DOCK3: variants seen among roughly 807,000 people sequenced by gnomAD.
DOCK3 encodes the protein dedicator of cytokinesis protein 3.
Under a neutral mutation model 265.6 loss-of-function variants are expected in DOCK3, and 60 were observed. The observed-to-expected ratio is 0.23, with a 90% confidence interval of 0.18 to 0.28. The LOEUF is 0.28. Ranked by LOEUF, DOCK3 falls within the 10% of genes least tolerant of loss-of-function variation. DOCK3 has a pLI of 1.00. For missense variants in DOCK3, 1,981 were observed against 2,594.3 expected, an observed-to-expected ratio of 0.76 and a Z score of 5.14; for synonymous variants, 881 against 938.0, an observed-to-expected ratio of 0.94 and a Z score of 1.11.
At chr3:51,016,791 T>C (rs1428705818) in intron 5 of DOCK3, among the ~76,000 whole-genome samples, 1 of 2,654 alleles carries the variant, frequency 3.8e-4, no homozygotes, top group African/African-American at 9.0e-4. Flanking sequence ...CATATATAAA[T>C]ATATATGATA....
chr3:50,951,715 G>GTTTTAT (rs759901721), intron 5 of DOCK3, among the ~76,000 whole-genome samples: 3 of 151,984 alleles, frequency 2.0e-5, no homozygotes, highest in Non-Finnish European at 4.4e-5. Context: ...TAGCAATGGT[G>GTTTTAT]TTTTAGACTG....
At chr3:51,096,813 G>A (rs1160914043) in intron 9 of DOCK3, among the ~76,000 whole-genome samples, 5 of 152,256 alleles carry the variant, frequency 3.3e-5, no homozygotes, top group Middle Eastern at 3.4e-3. Context: ...GGTGACCTCC[G>A]GATAGGGTTT....
At chr3:51,170,110 G>C (rs562787727) in intron 12 of DOCK3, among the ~76,000 whole-genome samples, 1 of 152,248 alleles carries the variant, frequency 6.6e-6, no homozygotes, top group South Asian at 2.1e-4. Flanking sequence ...TTCAGATTAG[G>C]AATGTTCAAC....
At chr3:50,962,089 T>C (rs2076904639) in intron 5 of DOCK3, among the ~76,000 whole-genome samples, 2 of 151,992 alleles carry the variant, frequency 1.3e-5, no homozygotes. Flanking sequence ...GCCATGGTGG[T>C]TTGCTGCACC....
At chr3:51,378,043 G>C (rs1180011408) in intron 51 of DOCK3, among the ~76,000 whole-genome samples, 8 of 152,196 alleles carry the variant, frequency 5.3e-5, no homozygotes, top group Admixed American at 4.6e-4. Flanking sequence ...TAGGGAGCAT[G>C]GGTGAGTGGG....
In DOCK3 at chr3:51,314,995, A is replaced by G; in HGVS notation, c.3269A>G (p.His1090Arg). Reference protein sequence around the residue: ...MWQNLGEHKIHFIPGMIGPFL... With the variant: ...MWQNLGEHKIRFIPGMIGPFL... ...TGTTTTTCAGGTGAACATAAGATCC[A>G]CTTTATTCCGGGAATGATTGGTCCT... The change falls in exon 32 of 53, where the codon CAC becomes CGC. Residue 1090 changes from histidine (H) to arginine (R), a missense_variant. His to Arg is a conservative substitution (Grantham distance 29, BLOSUM62 0). Coordinates refer to ENST00000266037, the MANE Select transcript of DOCK3 (RefSeq NM_004947.5). 1 of 1,608,514 alleles carries G rather than the reference A, an allele frequency of 6.2e-7. No homozygotes were observed. Among genetic ancestry groups the G allele is most frequent in the East Asian group, 2.2e-5 (1 of 44,612 alleles).
intron 9 of DOCK3, among the ~76,000 whole-genome samples, chr3:51,118,374 C>T (rs2083846442): frequency 6.6e-6 from 1 of 152,118 alleles, no homozygotes; most frequent in Non-Finnish European, 1.5e-5. Flanking sequence ...TGCTTTACTT[C>T]CAGTTATGTG....
At chr3:51,365,582 C>G (rs1217777752) in intron 49 of DOCK3, among the ~76,000 whole-genome samples, 4 of 152,168 alleles carry the variant, frequency 2.6e-5, no homozygotes, top group Admixed American at 1.3e-4. Flanking sequence ...AAAGGGAATG[C>G]TTCCAGTTTT....
intron 5 of DOCK3, among the ~76,000 whole-genome samples, chr3:50,975,374 C>A (rs2077406983): frequency 6.6e-6 from 1 of 150,504 alleles, no homozygotes; most frequent in African/African-American, 2.4e-5. Flanking sequence ...TTGTCAAAGG[C>A]CTTTTCCGCA....
intron 26 of DOCK3, 112 bp downstream of exon 26, chr3:51,277,866 GC>G: frequency 6.5e-7 from 1 of 1,530,646 alleles, no homozygotes; most frequent in Non-Finnish European, 8.8e-7. Flanking sequence ...CTTCCCTCCT[GC>G]ATGGTTGTCA....
At chr3:51,211,977 G>A (rs1166852565) in intron 13 of DOCK3, among the ~76,000 whole-genome samples, 3 of 152,168 alleles carry the variant, frequency 2.0e-5, no homozygotes, top group African/African-American at 2.4e-5. Context: ...CTGGGTGAGC[G>A]AGTGGGTCAC....
intron 3 of DOCK3, among the ~76,000 whole-genome samples, chr3:50,874,066 G>GTTTTTTTTTTTTTT (rs3043436): frequency 9.4e-6 from 1 of 106,230 alleles, no homozygotes; most frequent in Admixed American, 1.2e-4. Context: ...CTTTTCTTTT[G>GTTTTTTTTTTTTTT]TTTTTTTTTT....
intron 6 of DOCK3, among the ~76,000 whole-genome samples, chr3:51,075,094 C>T (rs1242079147): frequency 6.6e-6 from 1 of 152,056 alleles, no homozygotes; most frequent in East Asian, 1.9e-4. Context: ...CTCAAGCATG[C>T]TGATATAATG....
chr3:51,036,762 A>T (rs2080287090), intron 5 of DOCK3, among the ~76,000 whole-genome samples: 1 of 152,034 alleles, frequency 6.6e-6, no homozygotes, highest in Non-Finnish European at 1.5e-5. Context: ...TAACTCCAAC[A>T]GTTGCCATGT....
chr3:51,200,164 A>G (rs1208713519), intron 12 of DOCK3, among the ~76,000 whole-genome samples: 3 of 152,102 alleles, frequency 2.0e-5, no homozygotes, highest in Admixed American at 6.6e-5. Flanking sequence ...CCTCACCAAC[A>G]ATGGAACAAA....
chr3:50,851,535 G>A (rs1331431329), intron 3 of DOCK3, among the ~76,000 whole-genome samples: 5 of 152,148 alleles, frequency 3.3e-5, no homozygotes, highest in Non-Finnish European at 7.4e-5. Context: ...TAGGCAAGCG[G>A]ATGCCCCATA....
intron 10 of DOCK3, among the ~76,000 whole-genome samples, chr3:51,151,605 A>G (rs1027691703): frequency 6.6e-6 from 1 of 152,162 alleles, no homozygotes. Flanking sequence ...TGTCTTTACA[A>G]TTTGGCATGT....
At chr3:50,750,468 T>G (rs192280910) in intron 1 of DOCK3, among the ~76,000 whole-genome samples, 2 of 151,958 alleles carry the variant, frequency 1.3e-5, no homozygotes, top group Non-Finnish European at 2.9e-5. Context: ...TAGCTGGGAT[T>G]ACAGGCGCCT....
In DOCK3 at chr3:51,272,280, C is replaced by CTT. The variant is rs11371307; in HGVS notation, c.2548+1286_2548+1287dup. Among the ~76,000 whole-genome samples the CTT allele has an allele frequency of 1.8e-3, 253 of 144,024 alleles. 1 individual carries two copies. The highest frequency in any genetic ancestry group is 4.8e-3 in the South Asian group (22 of 4,628). 94.5% of individuals were successfully genotyped at this position (144,024 alleles called of 152,430 possible). ...TTGGTGGTTAATTTTTTAGGTTTGACTTTTTTTTTTTTTTGAGACGGAGTC... is the reference window on the plus strand; with the variant it reads ...TTGGTGGTTAATTTTTTAGGTTTGACTTTTTTTTTTTTTTTTGAGACGGAGTC... On this transcript the variant is annotated intron_variant, in intron 24 of 52. Transcript: ENST00000266037.
Sources: gnomAD v4.1 joint callset for allele counts (sites outside exome capture counted in the v4.1 genomes callset) on GRCh38, gnomAD v4.1.1 for gene constraint, MANE v1.5 for transcripts, NCBI Gene and HGNC (gene_info 2026-07-23, HGNC 2026-07-21) for gene names.